ARMH4: variants seen among roughly 807,000 people sequenced by gnomAD.
ARMH4 encodes the protein armadillo like helical domain containing 4, also known as armadillo-like helical domain-containing protein 4.
In ARMH4, 49 loss-of-function variants were observed where a neutral mutation model predicts 61.9. The observed-to-expected ratio is 0.79, with a 90% CI of 0.63 to 1.00. The LOEUF is 1.00. Ranked by LOEUF, ARMH4 falls within the 50% of genes least tolerant of loss-of-function variation. The probability of loss-of-function intolerance (pLI) is 0.00; values close to 1 mark genes in which losing one functional copy is unlikely to be tolerated. For synonymous variants in ARMH4, 368 were observed against 341.5 expected, an observed-to-expected ratio of 1.08 and a Z score of -0.85; for missense variants, 934 against 930.0, an observed-to-expected ratio of 1.00 and a Z score of -0.06.
intron 4 of ARMH4, among the ~76,000 whole-genome samples, chr14:58,099,565 G>C (rs1034370061): frequency 6.6e-6 from 1 of 152,168 alleles, no homozygotes; most frequent in Admixed American, 6.5e-5. Flanking sequence ...TTCAAAAAAA[G>C]ATTAGAAAAG....
At chr14:58,026,776 C>A (rs539948297) in intron 5 of ARMH4, among the ~76,000 whole-genome samples, 1 of 152,216 alleles carries the variant, frequency 6.6e-6, no homozygotes, top group African/African-American at 2.4e-5. Flanking sequence ...ACAAGGTCCC[C>A]AAGCATTCTT....
chr14:58,107,420 T>A (rs1288236276), intron 4 of ARMH4, among the ~76,000 whole-genome samples: 1 of 152,204 alleles, frequency 6.6e-6, no homozygotes, highest in Non-Finnish European at 1.5e-5. Context: ...GTCAAATTTC[T>A]CTTTTAGTGG....
intron 5 of ARMH4, among the ~76,000 whole-genome samples, chr14:58,053,896 T>C (rs1884231353): frequency 6.6e-6 from 1 of 152,214 alleles, no homozygotes; most frequent in Admixed American, 6.5e-5. Context: ...TGTTTTTCAC[T>C]TTTCTATACC....
At chr14:58,021,080 G>C (rs1440188475) in intron 5 of ARMH4, among the ~76,000 whole-genome samples, 2 of 152,184 alleles carry the variant, frequency 1.3e-5, no homozygotes, top group Non-Finnish European at 2.9e-5. Context: ...CCTTTTCATA[G>C]GGCAGTTGGA....
chr14:58,122,502 GA>G (rs1430677356), intron 4 of ARMH4, among the ~76,000 whole-genome samples: 2 of 152,016 alleles, frequency 1.3e-5, no homozygotes, highest in Non-Finnish European at 2.9e-5. Context: ...ACAGACATTA[GA>G]AAAAAACTTC....
chr14:58,090,395 T>C (rs142412782), intron 5 of ARMH4, among the ~76,000 whole-genome samples: 15 of 151,904 alleles, frequency 9.9e-5, no homozygotes, highest in African/African-American at 3.6e-4. Flanking sequence ...GAGAAGAAAA[T>C]AGAACAACAC....
intron 5 of ARMH4, among the ~76,000 whole-genome samples, chr14:58,079,135 TA>T (rs1157448384): frequency 6.6e-6 from 1 of 152,222 alleles, no homozygotes; most frequent in Non-Finnish European, 1.5e-5. Flanking sequence ...GATAACTACT[TA>T]TAAAACCTAA....
At chr14:58,046,885 G>A (rs1475383910) in intron 5 of ARMH4, among the ~76,000 whole-genome samples, 2 of 152,072 alleles carry the variant, frequency 1.3e-5, no homozygotes, top group African/African-American at 2.4e-5. Context: ...ATAAAACTCC[G>A]AATCCTGATA....
At chr14:58,006,144 G>A (rs1882162455) in intron 6 of ARMH4, among the ~76,000 whole-genome samples, 1 of 152,104 alleles carries the variant, frequency 6.6e-6, no homozygotes, top group South Asian at 2.1e-4. Flanking sequence ...TACTCAGAGT[G>A]ATCCCTACAC....
intron 5 of ARMH4, among the ~76,000 whole-genome samples, chr14:58,052,751 C>T (rs1359948180): frequency 2.6e-5 from 4 of 152,184 alleles, no homozygotes; most frequent in Non-Finnish European, 5.9e-5. Flanking sequence ...CGTTACCATC[C>T]AATGCTGGCT....
At chr14:58,119,114 T>C (rs1040683219) in intron 4 of ARMH4, among the ~76,000 whole-genome samples, 3 of 152,216 alleles carry the variant, frequency 2.0e-5, no homozygotes, top group African/African-American at 7.2e-5. Context: ...GCAAAATCAA[T>C]GTAAATCTTT....
intron 5 of ARMH4, among the ~76,000 whole-genome samples, chr14:58,060,848 T>C (rs1201685877): frequency 6.6e-6 from 1 of 152,148 alleles, no homozygotes; most frequent in African/African-American, 2.4e-5. Flanking sequence ...AGTTCCCAGA[T>C]TCCCAAACTG....
intron 5 of ARMH4, among the ~76,000 whole-genome samples, chr14:58,040,543 T>C (rs757148046): frequency 6.6e-6 from 1 of 152,214 alleles, no homozygotes. Context: ...ATGTAGCATA[T>C]TTTCTTTACC....
chr14:58,072,945 A>T (rs1013219473), intron 5 of ARMH4, among the ~76,000 whole-genome samples: 1 of 152,196 alleles, frequency 6.6e-6, no homozygotes, highest in African/African-American at 2.4e-5. Flanking sequence ...ATATTTCATT[A>T]ACATATCACA....
At chr14:58,020,115 A>T (rs967326920) in intron 5 of ARMH4, among the ~76,000 whole-genome samples, 7 of 152,194 alleles carry the variant, frequency 4.6e-5, no homozygotes, top group African/African-American at 1.4e-4. Context: ...TTTACAGATG[A>T]CGAAAATGAA....
intron 3 of ARMH4, 27 bp from the exon 4 acceptor site, chr14:58,131,748 AC>A (rs745388735): frequency 1.3e-6 from 2 of 1,595,354 alleles, no homozygotes; most frequent in Non-Finnish European, 1.7e-6. Context: ...ACAGGACTTG[AC>A]CCACAAGATA....
rs116560318 is a variant in ARMH4 at position 58,086,049 on chromosome 14, G to A, written c.2089+10675C>T. ...TTATAAATGTCTCACTTCCATCTAG[G>A]TGATGCAATAGTTGTTTTCATTCTT... On this transcript the variant is annotated intron_variant, in intron 5 of 7. Transcript: ENST00000267485. Among the ~76,000 whole-genome samples the A allele has an allele frequency of 3.2e-3, 481 of 152,264 alleles. 1 individual carries two copies. Among genetic ancestry groups the A allele is most frequent in the African/African-American group, 0.011 (447 of 41,566 alleles).
At chr14:58,098,851 G>C (rs1885851733) in intron 4 of ARMH4, among the ~76,000 whole-genome samples, 1 of 151,780 alleles carries the variant, frequency 6.6e-6, no homozygotes, top group Non-Finnish European at 1.5e-5. Context: ...TATTTTTAAA[G>C]AATGACTCTA....
rs1299471571 is a variant in ARMH4, at chr14:58,036,894, T to C, written c.2090-24744A>G. Among the ~76,000 whole-genome samples the C allele has an allele frequency of 5.5e-4, 68 of 124,126 alleles. 5 individuals are homozygous for C. Among genetic ancestry groups the C allele is most frequent in the Admixed American group, 3.1e-4 (4 of 12,968 alleles). 81.4% of individuals were successfully genotyped at this position (124,126 alleles called of 152,430 possible). A position where few individuals can be genotyped will look rare whatever the true frequency, so the allele number is the denominator to read the frequency against. Reference sequence around the variant, plus strand: ...AACTACAACCCACTGCTCAAGGAAATAAAAGAGGACACAAACAAATGGAAG... The same window carrying C: ...AACTACAACCCACTGCTCAAGGAAACAAAAGAGGACACAAACAAATGGAAG... On this transcript the variant is annotated intron_variant, in intron 5 of 7. Transcript: ENST00000267485.
Sources: gnomAD v4.1 joint callset for allele counts (sites outside exome capture counted in the v4.1 genomes callset) on GRCh38, gnomAD v4.1.1 for gene constraint, MANE v1.5 for transcripts, NCBI Gene and HGNC (gene_info 2026-07-23, HGNC 2026-07-21) for gene names.